The following ZFYVE1 variants were observed in gnomAD, a reference collection of about 807,000 sequenced individuals.
The protein encoded by ZFYVE1 is zinc finger FYVE-type containing 1.
In ZFYVE1, 30 loss-of-function variants were observed where a neutral mutation model predicts 74.4. The ratio of observed to expected loss-of-function variants is 0.40; its 90% CI spans 0.30 to 0.55. ZFYVE1 has a LOEUF of 0.55. ZFYVE1 is among the 20% of genes least tolerant of loss of function. The pLI is 0.42. For missense variants in ZFYVE1, 703 were observed against 1,011.6 expected (o/e 0.69, Z 4.14); for synonymous variants, 335 against 385.1 (o/e 0.87, Z 1.52).
intron 2 of ZFYVE1, among the ~76,000 whole-genome samples, chr14:73,012,877 G>A (rs1379690127): frequency 6.6e-6 from 1 of 152,146 alleles, no homozygotes; most frequent in Admixed American, 6.6e-5. Flanking sequence ...AATTATGAGA[G>A]ATGACAGTTT....
At chr14:72,981,990 A>C (rs1893345214) in intron 4 of ZFYVE1, 95 bp from the exon 5 acceptor site, 1 of 1,027,774 alleles carries the variant, frequency 9.7e-7, no homozygotes, top group Non-Finnish European at 1.5e-6. Context: ...ACACAGGCAC[A>C]GAAGAAATCC....
At position 72,970,012 on chromosome 14, in the gene ZFYVE1, T is replaced by G; in HGVS notation, c.*870A>C. ...TAGTGCGACACTCAGAAGCAGATGG[T>G]GGGCTTGAGGGGGCCGAGGGGTGGG... On this transcript the variant is annotated 3_prime_UTR_variant, in exon 12 of 12. Transcript: ENST00000556143. 2.2e-6 allele frequency: 1 copy of G among 450,338 alleles called. No homozygotes were observed. Among genetic ancestry groups the G allele is most frequent in the Non-Finnish European group, 3.9e-6 (1 of 254,570 alleles). 27.9% of individuals were successfully genotyped at this position (450,338 alleles called of 1,614,324 possible).
chr14:73,020,152 AG>A (rs1894286615), intron 2 of ZFYVE1, among the ~76,000 whole-genome samples: 1 of 150,606 alleles, frequency 6.6e-6, no homozygotes, highest in Non-Finnish European at 1.5e-5. Flanking sequence ...CTACTTGGGA[AG>A]CTAAGGCAGA....
At chr14:72,973,006 G>A (rs1893074932) in intron 11 of ZFYVE1, among the ~76,000 whole-genome samples, 1 of 152,022 alleles carries the variant, frequency 6.6e-6, no homozygotes, top group South Asian at 2.1e-4. Flanking sequence ...TGCCCGGCCA[G>A]CTATTTTAAA....
intron 2 of ZFYVE1, among the ~76,000 whole-genome samples, chr14:73,020,705 C>T (rs1036189384): frequency 4.6e-5 from 7 of 152,208 alleles, no homozygotes; most frequent in East Asian, 3.9e-4. Flanking sequence ...GAGCCAGGCA[C>T]GGCGGCTCAG....
intron 4 of ZFYVE1, among the ~76,000 whole-genome samples, chr14:72,988,490 T>G (rs568965677): frequency 6.6e-6 from 1 of 151,834 alleles, no homozygotes; most frequent in Non-Finnish European, 1.5e-5. Context: ...ACTTTTTTTT[T>G]AAATATACTA....
chr14:73,024,161 G>A lies in ZFYVE1; in HGVS notation c.348C>T (p.His116=). ...RTHSGGNKRR[H]PVTVYNVSNL... ...TACTGACATTGTACACAGTAACAGGGTGTCTCCTTTTGTTACCCCCAGAAT... is the reference window on the plus strand; with the variant it reads ...TACTGACATTGTACACAGTAACAGGATGTCTCCTTTTGTTACCCCCAGAAT... Residue 116 remains histidine (H), a synonymous_variant, in exon 2 of 12, where the codon CAC becomes CAT. Transcript: ENST00000556143. 6.2e-7 allele frequency: 1 copy of A among 1,614,116 alleles called. No individual in the cohort carries two copies. The highest frequency in any genetic ancestry group is 8.5e-7 in the Non-Finnish European group (1 of 1,180,040).
intron 2 of ZFYVE1, among the ~76,000 whole-genome samples, chr14:73,008,727 G>A (rs1894029821): frequency 6.6e-6 from 1 of 152,194 alleles, no homozygotes; most frequent in African/African-American, 2.4e-5. Flanking sequence ...AAGTGGCATA[G>A]CATATCCATA....
intron 2 of ZFYVE1, among the ~76,000 whole-genome samples, chr14:73,023,268 AAT>A (rs1458137965): frequency 1.7e-5 from 2 of 115,342 alleles, no homozygotes; most frequent in Admixed American, 1.0e-4. Context: ...TTTTATATAT[AAT>A]ATATATTATA....
chr14:73,025,658 T>C (rs61988076), intron 1 of ZFYVE1, among the ~76,000 whole-genome samples: 8,348 of 137,014 alleles, frequency 0.061, 320 homozygotes, highest in Non-Finnish European at 0.09. Flanking sequence ...ATCTTGCCAC[T>C]GCACTCCAGC....
At position 72,975,647 on chromosome 14, in the gene ZFYVE1, C is replaced by G. The variant is rs145340873; in HGVS notation, c.1710G>C (p.Ser570=). Residue 570 remains serine (S), a synonymous_variant, in exon 9 of 12, where the codon TCG becomes TCC. Coordinates refer to ENST00000556143, the MANE Select transcript of ZFYVE1 (RefSeq NM_021260.4). This position sits in a 1 kb window ranked among gnomAD's most constrained non-coding sequence, Gnocchi z 4.1. ...LLDGMNFMAQ[S]VSELSLGPTK... is the part of the protein sequence containing the mutation. Reference sequence around the variant, plus strand: ...TGGGTCCAAGGCTAAGCTCGGACACCGACTGAGCCATGAAGTTCATCCCGT... The same window carrying G: ...TGGGTCCAAGGCTAAGCTCGGACACGGACTGAGCCATGAAGTTCATCCCGT... 1 of 1,614,136 alleles carries G rather than the reference C, an allele frequency of 6.2e-7. No individual in the cohort carries two copies. Among genetic ancestry groups the G allele is most frequent in the Non-Finnish European group, 8.5e-7 (1 of 1,180,028 alleles).
At chr14:73,009,435 T>C (rs1894043421) in intron 2 of ZFYVE1, among the ~76,000 whole-genome samples, 2 of 152,178 alleles carry the variant, frequency 1.3e-5, no homozygotes, top group Non-Finnish European at 2.9e-5. Flanking sequence ...CACCATCAGC[T>C]GGAAATTTCA....
intron 2 of ZFYVE1, among the ~76,000 whole-genome samples, chr14:73,007,501 G>C (rs1894005147): frequency 1.3e-5 from 2 of 151,896 alleles, no homozygotes; most frequent in Non-Finnish European, 2.9e-5. Flanking sequence ...CAGCCTCCTA[G>C]GTAGCTAGGA....
intron 2 of ZFYVE1, among the ~76,000 whole-genome samples, chr14:73,015,992 T>A (rs80017280): frequency 0.028 from 4,207 of 152,252 alleles, 172 homozygotes; most frequent in African/African-American, 0.094. Flanking sequence ...TTTTACTGTT[T>A]CACCTTTCTT....
At chr14:73,012,178 A>G (rs561571574) in intron 2 of ZFYVE1, among the ~76,000 whole-genome samples, 41 of 152,252 alleles carry the variant, frequency 2.7e-4, no homozygotes, top group African/African-American at 9.6e-4. Context: ...GAAAGAAAGG[A>G]AAAGGGGAAG....
chr14:73,017,171 TG>T (rs1418285368), intron 2 of ZFYVE1, among the ~76,000 whole-genome samples: 1 of 152,206 alleles, frequency 6.6e-6, no homozygotes, highest in Non-Finnish European at 1.5e-5. Flanking sequence ...TCAATTTTTT[TG>T]TCCCTGATAT....
chr14:73,023,937 T>A, intron 2 of ZFYVE1, 89 bp downstream of exon 2: 1 of 1,511,172 alleles, frequency 6.6e-7, no homozygotes, highest in African/African-American at 1.4e-5. Flanking sequence ...TAAAATGTGA[T>A]CTCTTCTTGG....
At chr14:73,005,566 G>A (rs1047751952) in intron 2 of ZFYVE1, among the ~76,000 whole-genome samples, 1 of 152,200 alleles carries the variant, frequency 6.6e-6, no homozygotes, top group Non-Finnish European at 1.5e-5. Flanking sequence ...TGCCACTACA[G>A]GCTTTGAAAC....
Position 72,981,771 on chromosome 14 carries a change from G to C in ZFYVE1, c.1310+18C>G, listed in dbSNP as rs556381500. On this transcript the variant is annotated intron_variant, in intron 5 of 11. Coordinates refer to ENST00000556143, the MANE Select transcript of ZFYVE1 (RefSeq NM_021260.4). ...TCTCAAGGTATGGGGTGGGAGGTGGGGGAGCGGCCTTACTTACCCACAGCT... is the reference window on the plus strand; with the variant it reads ...TCTCAAGGTATGGGGTGGGAGGTGGCGGAGCGGCCTTACTTACCCACAGCT... 1.9e-6 allele frequency: 3 copies of C among 1,611,410 alleles called. No individual in the cohort carries two copies. The East Asian group carries it at 6.7e-5, about 36-fold the overall frequency.
Sources: gnomAD v4.1 joint callset for allele counts (sites outside exome capture counted in the v4.1 genomes callset) on GRCh38, gnomAD v4.1.1 for gene constraint, Gnocchi (gnomAD v3.1) non-coding constraint, MANE v1.5 for transcripts, NCBI Gene and HGNC (gene_info 2026-07-23, HGNC 2026-07-21) for gene names.